The following HDAC9 variants were observed in gnomAD, a reference collection of about 807,000 sequenced individuals.
HDAC9 encodes the protein histone deacetylase 9, also known as MEF-2 interacting transcription repressor (MITR) protein.
Under a neutral mutation model 139.4 loss-of-function variants are expected in HDAC9, and 41 were observed. That is an observed-to-expected ratio of 0.29 (90% CI 0.23 to 0.38). The LOEUF (loss-of-function observed/expected upper bound fraction) is 0.38. Ranked by LOEUF, HDAC9 falls within the 10% of genes least tolerant of loss-of-function variation. The pLI is 1.00. For synonymous variants in HDAC9, 517 were observed against 476.2 expected (o/e 1.09, Z -1.12); for missense variants, 1,147 against 1,297.0 (o/e 0.88, Z 1.78).
chr7:18,168,096 A>G (rs1788129827), intron 2 of HDAC9, among the ~76,000 whole-genome samples: 1 of 152,222 alleles, frequency 6.6e-6, no homozygotes, highest in African/African-American at 2.4e-5. Context: ...TAGAAAATTC[A>G]AGTTCCTGTT....
intron 20 of HDAC9, 109 bp from the exon 21 acceptor site, chr7:18,835,791 G>A (rs1438345445): frequency 2.1e-6 from 2 of 965,064 alleles, no homozygotes; most frequent in Non-Finnish European, 3.2e-6. Context: ...GATTTGATGT[G>A]TTGTTTGATG....
intron 14 of HDAC9, among the ~76,000 whole-genome samples, chr7:18,755,888 G>A (rs1469452112): frequency 6.6e-6 from 1 of 152,140 alleles, no homozygotes; most frequent in Admixed American, 6.6e-5. Context: ...TTTGAAGATT[G>A]ATAATATTTT....
intron 2 of HDAC9, among the ~76,000 whole-genome samples, chr7:18,205,707 A>G (rs187607498): frequency 6.6e-6 from 1 of 152,138 alleles, no homozygotes; most frequent in Admixed American, 6.5e-5. Context: ...TGTCTGTTTC[A>G]TCTTTTTAAT....
intron 1 of HDAC9, among the ~76,000 whole-genome samples, chr7:18,141,517 A>G (rs796452084): frequency 1.3e-5 from 2 of 152,170 alleles, no homozygotes; most frequent in African/African-American, 4.8e-5. Context: ...GAGGACTAAC[A>G]TCTCTGAATA....
chr7:18,394,971 A>G (rs1037475550), intron 1 of HDAC9: 25 of 152,318 alleles, frequency 1.6e-4, no homozygotes, highest in Admixed American at 4.6e-4. Flanking sequence ...TAAATACACA[A>G]GTATTCAGAC....
intron 2 of HDAC9, among the ~76,000 whole-genome samples, chr7:18,508,028 G>T (rs1431860882): frequency 6.6e-6 from 1 of 152,086 alleles, no homozygotes; most frequent in Non-Finnish European, 1.5e-5. Context: ...GTCATTTATC[G>T]GTTCATTTTT....
chr7:18,641,980 T>A (rs1562711131), intron 8 of HDAC9, among the ~76,000 whole-genome samples: 1 of 152,070 alleles, frequency 6.6e-6, no homozygotes, highest in African/African-American at 2.4e-5. Context: ...AGAAAATAAT[T>A]CAAGGGAAAT....
intron 2 of HDAC9, among the ~76,000 whole-genome samples, chr7:18,508,958 C>T (rs946647380): frequency 6.6e-6 from 1 of 152,086 alleles, no homozygotes; most frequent in African/African-American, 2.4e-5. Context: ...ACACAGTCGT[C>T]GTTGGGTTAG....
chr7:18,676,816 A>G (rs749307128), intron 12 of HDAC9, among the ~76,000 whole-genome samples: 2 of 151,856 alleles, frequency 1.3e-5, no homozygotes, highest in Non-Finnish European at 2.9e-5. Context: ...CTGGATATGG[A>G]AGCAGATAAT....
intron 2 of HDAC9, among the ~76,000 whole-genome samples, chr7:18,166,365 A>C (rs2128130158): frequency 6.6e-6 from 1 of 152,312 alleles, no homozygotes; most frequent in African/African-American, 2.4e-5. Flanking sequence ...TAGAAGTGAA[A>C]GGTTTATAGC....
rs111601113 is a variant in HDAC9 at position 18,431,830 on chromosome 7, A to T, written c.-41-64432A>T. Reference sequence around the variant, plus strand: ...CATTAATTTTTTTGTCTATTGTAAGAAAAATCACGAAGTCAGTTTATTCAG... The same window carrying T: ...CATTAATTTTTTTGTCTATTGTAAGTAAAATCACGAAGTCAGTTTATTCAG... On this transcript the variant is annotated intron_variant, in intron 1 of 3. Coordinates refer to the HDAC9 transcript ENST00000413509. Among the ~76,000 whole-genome samples, 910 of 152,340 alleles carry T rather than the reference A, an allele frequency of 6.0e-3. 5 individuals carry two copies. The highest frequency in any genetic ancestry group is 8.7e-3 in the Non-Finnish European group (589 of 68,022).
In HDAC9 at chr7:18,672,250, T is replaced by A. The variant is rs116231731; in HGVS notation, c.1731+5774T>A. ...GCCTTATTGATGGTAGCCATCCTAG[T>A]GAGTATGCAGTGCTATCATTGTTGC... On this transcript the variant is annotated intron_variant, in intron 12 of 25. Coordinates refer to ENST00000686413, the MANE Select transcript of HDAC9 (RefSeq NM_178425.4). 1.1e-3 allele frequency among the ~76,000 whole-genome samples: 171 copies of A among 152,156 alleles called. 1 individual carries two copies. Among genetic ancestry groups the A allele is most frequent in the African/African-American group, 4.1e-3 (169 of 41,562 alleles).
At chr7:18,840,482 T>C (rs1309647674) in intron 21 of HDAC9, among the ~76,000 whole-genome samples, 2 of 152,084 alleles carry the variant, frequency 1.3e-5, no homozygotes, top group Non-Finnish European at 2.9e-5. Flanking sequence ...GTAGAGGTAG[T>C]GCACATTTAG....
chr7:18,617,714 T>C (rs1380704276), intron 6 of HDAC9, among the ~76,000 whole-genome samples: 2 of 152,332 alleles, frequency 1.3e-5, no homozygotes, highest in African/African-American at 4.8e-5. Flanking sequence ...GGACAGTATC[T>C]TTAGCCTATT....
At chr7:18,180,220 GACACATACACAC>G (rs1355146189) in intron 2 of HDAC9, among the ~76,000 whole-genome samples, 57 of 91,140 alleles carry the variant, frequency 6.3e-4, no homozygotes, top group African/African-American at 1.5e-3. Context: ...CCCTCCCCAA[GACACATACACAC>G]ACACACACAC....
intron 1 of HDAC9, among the ~76,000 whole-genome samples, chr7:18,318,184 G>A (rs1201153035): frequency 2.6e-5 from 4 of 152,210 alleles, no homozygotes; most frequent in African/African-American, 7.2e-5. Context: ...AGATACGCCA[G>A]CATCTCTTGG....
At chr7:18,261,196 A>G (rs891273199) in intron 2 of HDAC9, among the ~76,000 whole-genome samples, 10 of 152,078 alleles carry the variant, frequency 6.6e-5, no homozygotes, top group Non-Finnish European at 1.5e-5. Context: ...TAGTCCCAGC[A>G]GCTCAGGAGG....
chr7:18,470,621 C>T lies in HDAC9; in HGVS notation c.-41-25641C>T, dbSNP rs115233638. Among the ~76,000 whole-genome samples the T allele has an allele frequency of 6.1e-3, 922 of 152,172 alleles. 8 individuals carry two copies. The highest frequency in any genetic ancestry group is 0.021 in the African/African-American group (866 of 41,518). On this transcript the variant is annotated intron_variant, in intron 1 of 3. Coordinates refer to the HDAC9 transcript ENST00000413509. ...TTTTGGGCTTTGCAGGCTATATGGC[C>T]TCTGCTACAAGGATTTCTCTGCTTT...
chr7:18,800,900 T>G (rs1793232703), intron 17 of HDAC9, among the ~76,000 whole-genome samples: 1 of 152,100 alleles, frequency 6.6e-6, no homozygotes, highest in African/African-American at 2.4e-5. Flanking sequence ...GTAATTTGTG[T>G]TTTTGAAAAG....
Sources: allele counts gnomAD v4.1 joint callset (sites outside exome capture counted in the v4.1 genomes callset), GRCh38; gene constraint gnomAD v4.1.1; transcripts MANE v1.5; gene names NCBI Gene and HGNC (gene_info 2026-07-23, HGNC 2026-07-21).